Variants in P2RX5 observed in about 807,000 individuals in gnomAD.
P2RX5 encodes the protein P2X purinoceptor 5.
A neutral mutation model predicts 54.1 loss-of-function variants in P2RX5; 46 were observed. That is an observed-to-expected ratio of 0.85 (90% CI 0.67 to 1.09). The LOEUF (loss-of-function observed/expected upper bound fraction) is 1.09. Among genes scored for constraint, P2RX5 ranks in the 50% least tolerant of loss-of-function variants. P2RX5 has a pLI of 0.00. For synonymous variants in P2RX5, 226 were observed against 226.4 expected (o/e 1.00, Z 0.02); for missense variants, 566 against 549.8 (o/e 1.03, Z -0.29).
At chr17:3,674,868 C>T (rs531502607) in intron 11 of P2RX5, among the ~76,000 whole-genome samples, 5 of 152,294 alleles carry the variant, frequency 3.3e-5, no homozygotes, top group East Asian at 1.9e-4. Context: ...TCTGTGATGA[C>T]GGGTGTGATC....
intron 3 of P2RX5, 84 bp from the exon 4 acceptor site, chr17:3,690,764 C>A: frequency 7.2e-7 from 1 of 1,398,080 alleles, no homozygotes; most frequent in Non-Finnish European, 1.0e-6. Flanking sequence ...AATAGGGGTT[C>A]TTCTTCGGCC....
At chr17:3,697,109 A>AC (rs1335024608), upstream of P2RX5, among the ~76,000 whole-genome samples, 12 of 104,698 alleles carry the variant, frequency 1.1e-4, no homozygotes, top group African/African-American at 4.2e-4. Flanking sequence ...CAGCATGAAG[A>AC]CCTCCCTCCC....
At chr17:3,723,275 C>A in the P2RX5 span, 1 of 1,560,860 alleles carries the variant, frequency 6.4e-7, no homozygotes, top group Non-Finnish European at 8.8e-7. Flanking sequence ...TGGAGCATTT[C>A]AGTCTCAAAC....
chr17:3,700,787 G>T (rs574956385), upstream of P2RX5, among the ~76,000 whole-genome samples: 1 of 152,082 alleles, frequency 6.6e-6, no homozygotes, highest in African/African-American at 2.4e-5. Context: ...TAGTTCACGC[G>T]AGAGCTAGTT....
intron 5 of P2RX5, 117 bp downstream of exon 5, chr17:3,690,310 A>G: frequency 8.9e-7 from 1 of 1,119,118 alleles, no homozygotes. Context: ...TCGCTGGGAC[A>G]GCCTGACTCC....
the P2RX5 span, chr17:3,717,536 C>T: frequency 1.3e-5 from 2 of 152,170 alleles, no homozygotes; most frequent in Non-Finnish European, 1.5e-5. Context: ...TATGGCCCTT[C>T]CAAGTTGTGG....
chr17:3,684,388 G>A (rs997152116), intron 9 of P2RX5, among the ~76,000 whole-genome samples: 1 of 152,262 alleles, frequency 6.6e-6, no homozygotes, highest in African/African-American at 2.4e-5. Flanking sequence ...AGGATTGCCT[G>A]AGCCCAGGGG....
chr17:3,675,783 C>G, intron 11 of P2RX5: 1 of 857,866 alleles, frequency 1.2e-6, no homozygotes, highest in Non-Finnish European at 1.4e-6. Context: ...GAACTCCTGA[C>G]CTCGTGATCC....
At chr17:3,696,222 C>A, upstream of P2RX5, 1 of 338,304 alleles carries the variant, frequency 3.0e-6, no homozygotes. Flanking sequence ...AGCTGGGCGG[C>A]GGCGAGCACC....
chr17:3,696,442 T>C (rs2143002591), upstream of P2RX5: 1 of 153,128 alleles, frequency 6.5e-6, no homozygotes, highest in East Asian at 1.9e-4. Context: ...CCTTTTTATT[T>C]TATTTTAAAT....
the P2RX5 span, chr17:3,717,644 G>A: frequency 6.6e-6 from 1 of 152,150 alleles, no homozygotes. Context: ...AAGCACCAAG[G>A]TCAGGGGTGC....
the P2RX5 span, chr17:3,716,838 G>T: frequency 1.7e-6 from 2 of 1,182,588 alleles, no homozygotes; most frequent in Non-Finnish European, 2.5e-6. Flanking sequence ...ATCAGGTGAA[G>T]CAAACAAGGA....
the P2RX5 span, chr17:3,723,189 G>C: frequency 1.2e-6 from 1 of 855,204 alleles, no homozygotes; most frequent in Non-Finnish European, 2.0e-6. Flanking sequence ...GATCTATTTT[G>C]GACATGGACA....
the P2RX5 span, among the ~76,000 whole-genome samples, chr17:3,706,853 G>T: frequency 6.6e-6 from 1 of 152,100 alleles, no homozygotes; most frequent in African/African-American, 2.4e-5. Flanking sequence ...CTGGTGATCC[G>T]CCCGCCTCGG....
At chr17:3,701,768 T>TG in the P2RX5 span, among the ~76,000 whole-genome samples, 8 of 144,572 alleles carry the variant, frequency 5.5e-5, no homozygotes, top group Admixed American at 3.5e-4. Flanking sequence ...TTTGTTTTTT[T>TG]TTTTTAAGAC....
chr17:3,720,834 C>T, the P2RX5 span, among the ~76,000 whole-genome samples: 62 of 152,016 alleles, frequency 4.1e-4, no homozygotes, highest in East Asian at 5.8e-3. Context: ...CTACCCACCT[C>T]GGCCTCCCAA....
At position 3,673,703 on chromosome 17, in the gene P2RX5, G is replaced by A. The variant is rs1292379983; in HGVS notation, c.*165C>T. ...TCCTGATGACCCCAGCATCAGACGT[G>A]GAGGTCACTTTGCTCTGTGATGGCT... On this transcript the variant is annotated 3_prime_UTR_variant, in exon 12 of 12. Transcript: ENST00000225328. The A allele has an allele frequency of 1.8e-5, 29 of 1,569,280 alleles. No homozygotes were observed. The highest frequency in any genetic ancestry group is 2.5e-5 in the Non-Finnish European group (29 of 1,158,326).
the P2RX5 span, chr17:3,723,680 G>A: frequency 1.9e-6 from 3 of 1,586,596 alleles, no homozygotes; most frequent in Admixed American, 3.6e-5. Context: ...CGGGACGGCC[G>A]CGCTTACCTG....
the P2RX5 span, among the ~76,000 whole-genome samples, chr17:3,719,234 T>TAAAAA: frequency 1.1e-4 from 4 of 34,818 alleles, no homozygotes; most frequent in African/African-American, 4.9e-4. Flanking sequence ...AGATTCTTCC[T>TAAAAA]CAAAAAAAAA....
Sources: allele counts gnomAD v4.1 joint callset (sites outside exome capture counted in the v4.1 genomes callset), GRCh38; gene constraint gnomAD v4.1.1; transcripts MANE v1.5; gene names NCBI Gene and HGNC (gene_info 2026-07-23, HGNC 2026-07-21).